Variants in KCND2 observed in about 807,000 individuals in gnomAD.
KCND2 encodes the protein potassium voltage-gated channel subfamily D member 2, also known as A-type voltage-gated potassium channel KCND2.
Under a neutral mutation model 54.4 loss-of-function variants are expected in KCND2, and 16 were observed. The ratio of observed to expected loss-of-function variants is 0.29; its 90% CI spans 0.20 to 0.45. The LOEUF (loss-of-function observed/expected upper bound fraction) is 0.45. Among genes scored for constraint, KCND2 ranks in the 20% least tolerant of loss-of-function variants. KCND2 has a pLI of 1.00. For missense variants in KCND2, 486 were observed against 824.2 expected, an observed-to-expected ratio of 0.59 and a Z score of 5.02; for synonymous variants, 317 against 310.7, an observed-to-expected ratio of 1.02 and a Z score of -0.21.
intron 1 of KCND2, among the ~76,000 whole-genome samples, chr7:120,367,402 G>A (rs2116410242): frequency 6.6e-6 from 1 of 152,038 alleles, no homozygotes; most frequent in East Asian, 1.9e-4. Context: ...CTGCCTCTAT[G>A]GTTTAGAACC....
intron 1 of KCND2, among the ~76,000 whole-genome samples, chr7:120,547,919 G>A (rs1291868457): frequency 3.3e-5 from 5 of 151,906 alleles, no homozygotes; most frequent in African/African-American, 7.3e-5. Flanking sequence ...AGAAAGAAAC[G>A]GCAGTATTTC....
chr7:120,519,101 G>A (rs565714039), intron 1 of KCND2, among the ~76,000 whole-genome samples: 76 of 152,234 alleles, frequency 5.0e-4, no homozygotes, highest in African/African-American at 1.8e-3. Flanking sequence ...GCCAAGGCAG[G>A]AAGATCACTT....
At chr7:120,505,497 T>C (rs145207845) in intron 1 of KCND2, among the ~76,000 whole-genome samples, 1,776 of 151,956 alleles carry the variant, frequency 0.012, 32 homozygotes, top group African/African-American at 0.04. Flanking sequence ...AGAAACGGCA[T>C]GTTTGTAATA....
chr7:120,503,385 T>TGAGG (rs1802965675), intron 1 of KCND2, among the ~76,000 whole-genome samples: 1 of 146,580 alleles, frequency 6.8e-6, no homozygotes, highest in African/African-American at 2.5e-5. Context: ...GTCTCTAGAG[T>TGAGG]GAGAGAGAGA....
At chr7:120,312,824 G>C (rs1799758434) in intron 1 of KCND2, among the ~76,000 whole-genome samples, 1 of 152,162 alleles carries the variant, frequency 6.6e-6, no homozygotes, top group Admixed American at 6.6e-5. Context: ...TGGAGATACA[G>C]GTGGATTAAT....
intron 1 of KCND2, among the ~76,000 whole-genome samples, chr7:120,454,669 T>G (rs1802168081): frequency 6.6e-6 from 1 of 152,038 alleles, no homozygotes. Context: ...TTCCAAAAAT[T>G]GAGAAAAGGG....
chr7:120,448,938 A>G (rs1802059335), intron 1 of KCND2, among the ~76,000 whole-genome samples: 1 of 152,204 alleles, frequency 6.6e-6, no homozygotes. Context: ...CCCTATATTT[A>G]AATTGAACCT....
At chr7:120,297,188 T>C (rs1052687900) in intron 1 of KCND2, among the ~76,000 whole-genome samples, 3 of 152,220 alleles carry the variant, frequency 2.0e-5, no homozygotes, top group Non-Finnish European at 2.9e-5. Flanking sequence ...CTCTTCCAAA[T>C]GTCTATCCAT....
At chr7:120,337,426 G>A (rs550220375) in intron 1 of KCND2, among the ~76,000 whole-genome samples, 1 of 152,148 alleles carries the variant, frequency 6.6e-6, no homozygotes, top group South Asian at 2.1e-4. Context: ...GCCTCTGTCA[G>A]CTCAGAGAGT....
intron 1 of KCND2, among the ~76,000 whole-genome samples, chr7:120,518,097 C>T (rs1002931725): frequency 6.6e-6 from 1 of 152,126 alleles, no homozygotes; most frequent in African/African-American, 2.4e-5. Context: ...CATATCTCTA[C>T]ACAAAGTGAA....
intron 1 of KCND2, among the ~76,000 whole-genome samples, chr7:120,655,713 G>A (rs1791793741): frequency 6.6e-6 from 1 of 151,972 alleles, no homozygotes; most frequent in South Asian, 2.1e-4. Context: ...ATTTGTGAAA[G>A]CACCTTTAAA....
chr7:120,432,141 G>C (rs144161577), intron 1 of KCND2, among the ~76,000 whole-genome samples: 1 of 151,920 alleles, frequency 6.6e-6, no homozygotes, highest in African/African-American at 2.4e-5. Context: ...TTGAGTATTT[G>C]GTCCCCCATT....
At chr7:120,563,893 T>C (rs1357146446) in intron 1 of KCND2, among the ~76,000 whole-genome samples, 1 of 152,190 alleles carries the variant, frequency 6.6e-6, no homozygotes, top group Non-Finnish European at 1.5e-5. Context: ...AAAGTTCCCC[T>C]TGAAGCCTTT....
intron 1 of KCND2, among the ~76,000 whole-genome samples, chr7:120,508,520 C>T (rs940210841): frequency 2.0e-5 from 3 of 151,918 alleles, no homozygotes; most frequent in South Asian, 2.1e-4. Context: ...ACTACTTATT[C>T]GCATTATGAT....
At chr7:120,692,941 C>A (rs528805919) in intron 1 of KCND2, among the ~76,000 whole-genome samples, 61 of 152,078 alleles carry the variant, frequency 4.0e-4, no homozygotes, top group African/African-American at 1.4e-3. Context: ...ACATTTTCCC[C>A]GCAAAGGAAA....
intron 1 of KCND2, among the ~76,000 whole-genome samples, chr7:120,516,508 C>T (rs1803199040): frequency 6.6e-6 from 1 of 151,920 alleles, no homozygotes; most frequent in African/African-American, 2.4e-5. Flanking sequence ...TTTCTAAATC[C>T]GAATGAACTG....
At chr7:120,450,849 G>A (rs56159883) in intron 1 of KCND2, among the ~76,000 whole-genome samples, 7,238 of 152,146 alleles carry the variant, frequency 0.048, 229 homozygotes, top group African/African-American at 0.079. Context: ...TGTTGCTGAC[G>A]CCTCTCCTAC....
chr7:120,471,670 A>G (rs190809142), intron 1 of KCND2, among the ~76,000 whole-genome samples: 1 of 152,222 alleles, frequency 6.6e-6, no homozygotes, highest in African/African-American at 2.4e-5. Context: ...CTCAGGGTCT[A>G]TGTCATGAGG....
intron 1 of KCND2, among the ~76,000 whole-genome samples, chr7:120,586,807 T>A (rs1225626911): frequency 6.6e-6 from 1 of 152,172 alleles, no homozygotes; most frequent in African/African-American, 2.4e-5. Flanking sequence ...CTTGAATAGT[T>A]TCATTTAGAC....
Sources: allele counts gnomAD v4.1 joint callset (sites outside exome capture counted in the v4.1 genomes callset), GRCh38; gene constraint gnomAD v4.1.1; transcripts MANE v1.5; gene names NCBI Gene and HGNC (gene_info 2026-07-23, HGNC 2026-07-21).